Variants in COP1 observed in about 807,000 individuals in gnomAD.
The protein encoded by COP1 is E3 ubiquitin-protein ligase COP1.
COP1 carries 24 observed loss-of-function variants against 101.3 expected under a neutral mutation model. The ratio of observed to expected loss-of-function variants is 0.24; its 90% CI spans 0.17 to 0.33. The LOEUF (loss-of-function observed/expected upper bound fraction) is 0.33. COP1 is among the 10% of genes least tolerant of loss of function. The probability of loss-of-function intolerance (pLI) is 1.00; values close to 1 mark genes in which losing one functional copy is unlikely to be tolerated. For missense variants in COP1, 663 were observed against 906.2 expected (o/e 0.73, Z 3.45); for synonymous variants, 347 against 341.9 (o/e 1.01, Z -0.17).
chr1:176,064,006 CAGA>C (rs1450606698), intron 11 of COP1, among the ~76,000 whole-genome samples: 1 of 152,112 alleles, frequency 6.6e-6, no homozygotes, highest in African/African-American at 2.4e-5. Flanking sequence ...GAAAATATGA[CAGA>C]AGTTTAATCA....
intron 15 of COP1, among the ~76,000 whole-genome samples, chr1:176,020,009 A>G (rs760461679): frequency 6.6e-6 from 1 of 152,214 alleles, no homozygotes; most frequent in Non-Finnish European, 1.5e-5. Flanking sequence ...AACTAGACTG[A>G]CAAAGGTAAA....
At chr1:175,994,821 C>T (rs1439428206) in intron 15 of COP1, among the ~76,000 whole-genome samples, 1 of 152,146 alleles carries the variant, frequency 6.6e-6, no homozygotes, top group East Asian at 1.9e-4. Flanking sequence ...CCACTGTCAA[C>T]ATTAGACAGA....
At chr1:176,088,064 T>C (rs1427509046) in intron 9 of COP1, among the ~76,000 whole-genome samples, 2 of 151,972 alleles carry the variant, frequency 1.3e-5, no homozygotes, top group African/African-American at 4.8e-5. Context: ...TGAGAATACT[T>C]GGACACAGGA....
intron 9 of COP1, among the ~76,000 whole-genome samples, chr1:176,092,111 A>G (rs1313643944): frequency 6.6e-6 from 1 of 152,166 alleles, no homozygotes; most frequent in Non-Finnish European, 1.5e-5. Context: ...AAACCTATTA[A>G]CACAATGGGA....
chr1:175,961,318 A>T (rs1300324304), intron 18 of COP1, among the ~76,000 whole-genome samples: 1 of 152,204 alleles, frequency 6.6e-6, no homozygotes. Flanking sequence ...TGATTCACAG[A>T]GAGAATAACT....
At chr1:176,105,059 TGAAA>T (rs1283583520) in intron 9 of COP1, among the ~76,000 whole-genome samples, 7 of 152,222 alleles carry the variant, frequency 4.6e-5, no homozygotes, top group African/African-American at 1.7e-4. Context: ...CTACCCTTTG[TGAAA>T]GAGAGTAAAA....
At chr1:176,062,869 C>G (rs893858307) in intron 11 of COP1, among the ~76,000 whole-genome samples, 4 of 151,926 alleles carry the variant, frequency 2.6e-5, no homozygotes, top group Admixed American at 1.3e-4. Flanking sequence ...CAAAAACAAG[C>G]TGGGCGAAAT....
chr1:176,142,342 AAAAAT>A lies in COP1; in HGVS notation c.832-5800_832-5796del, dbSNP rs1224992015. Among the ~76,000 whole-genome samples, 134 of 152,254 alleles carry A rather than the reference AAAAAT, an allele frequency of 8.8e-4. 2 individuals carry two copies. Among genetic ancestry groups the A allele is most frequent in the African/African-American group, 2.7e-3 (114 of 41,568 alleles). On this transcript the variant is annotated intron_variant, in intron 6 of 19. Coordinates refer to ENST00000367669, the MANE Select transcript of COP1 (RefSeq NM_022457.7). ...ATAATAAAAAAAGAAATATAAAACA[AAAAAT>A]AAAATGACAGGCTTATGCTATAATA...
At chr1:175,952,464 T>C (rs531778978) in intron 18 of COP1, among the ~76,000 whole-genome samples, 8 of 151,508 alleles carry the variant, frequency 5.3e-5, no homozygotes, top group South Asian at 2.1e-4. Flanking sequence ...AAGCCATCCA[T>C]TGAGATACAC....
chr1:176,165,472 A>T (rs1694993320), intron 3 of COP1, among the ~76,000 whole-genome samples: 1 of 151,304 alleles, frequency 6.6e-6, no homozygotes, highest in Non-Finnish European at 1.5e-5. Flanking sequence ...AGGTGGGTGG[A>T]TCACCTGAGG....
intron 6 of COP1, among the ~76,000 whole-genome samples, chr1:176,142,781 C>T (rs990551953): frequency 6.7e-6 from 1 of 149,942 alleles, no homozygotes; most frequent in African/African-American, 2.4e-5. Flanking sequence ...AGCCACAGGC[C>T]TAAGAAAAAA....
chr1:176,098,368 A>G (rs1235357501), intron 9 of COP1, among the ~76,000 whole-genome samples: 1 of 152,232 alleles, frequency 6.6e-6, no homozygotes, highest in Non-Finnish European at 1.5e-5. Context: ...ATAAAAGATT[A>G]TAAGAAGGTG....
At chr1:176,134,818 C>T (rs2502845) in intron 8 of COP1, among the ~76,000 whole-genome samples, 192 bp downstream of exon 8, 42,929 of 151,926 alleles carry the variant, frequency 0.28, 6,902 homozygotes, top group East Asian at 0.52. Context: ...GTATTCTACT[C>T]GCTAACTCTT....
At chr1:176,198,038 T>C (rs1648837810) in intron 1 of COP1, among the ~76,000 whole-genome samples, 1 of 152,170 alleles carries the variant, frequency 6.6e-6, no homozygotes, top group East Asian at 1.9e-4. Context: ...ACTATGTTCA[T>C]GATTCAAAAG....
intron 8 of COP1, chr1:176,133,934 T>C (rs531837568): frequency 2.3e-6 from 1 of 438,838 alleles, no homozygotes; most frequent in Non-Finnish European, 4.6e-6. Context: ...ACCAAGTCAT[T>C]CTCAAATGTT....
At chr1:176,041,766 G>C (rs577543771) in intron 14 of COP1, among the ~76,000 whole-genome samples, 1 of 152,232 alleles carries the variant, frequency 6.6e-6, no homozygotes, top group South Asian at 2.1e-4. Context: ...AGGAGTTCGA[G>C]ACCAGCCTGG....
intron 6 of COP1, among the ~76,000 whole-genome samples, chr1:176,139,279 C>CAAAAAAAA (rs201417535): frequency 8.0e-6 from 1 of 124,898 alleles, no homozygotes; most frequent in African/African-American, 3.3e-5. Flanking sequence ...AAAACAAAAA[C>CAAAAAAAA]AAAAAAAACA....
intron 18 of COP1, among the ~76,000 whole-genome samples, chr1:175,951,658 G>GACC (rs1649939929): frequency 6.6e-6 from 1 of 151,728 alleles, no homozygotes; most frequent in African/African-American, 2.4e-5. Context: ...GCAATTTCTG[G>GACC]ACCACAAAGC....
In COP1 at chr1:175,961,787, T is replaced by C. The variant is rs1276296817; in HGVS notation, c.2134-14548A>G. Among the ~76,000 whole-genome samples, 6 of 149,672 alleles carry C rather than the reference T, an allele frequency of 4.0e-5. No individual in the cohort carries two copies. In the East Asian group the frequency reaches 9.9e-4, roughly 25 times the overall value. On this transcript the variant is annotated intron_variant, in intron 18 of 19. Coordinates refer to ENST00000367669, the MANE Select transcript of COP1 (RefSeq NM_022457.7). Reference sequence around the variant, plus strand: ...AGAGTGATCCTTTACTTGGAAAAGATAAGAAAGGCTTCACAGATTAGGTCA... The same window carrying C: ...AGAGTGATCCTTTACTTGGAAAAGACAAGAAAGGCTTCACAGATTAGGTCA...
Sources: allele counts gnomAD v4.1 joint callset (sites outside exome capture counted in the v4.1 genomes callset), GRCh38; gene constraint gnomAD v4.1.1; transcripts MANE v1.5; gene names NCBI Gene and HGNC (gene_info 2026-07-23, HGNC 2026-07-21).